Variants in SF3A2 observed in about 807,000 individuals in gnomAD.
SF3A2 encodes splicing factor 3a subunit 2, also known as SAP 62.
SF3A2 carries 5 observed loss-of-function variants against 31.1 expected under a neutral mutation model. The observed-to-expected ratio is 0.16, with a 90% CI of 0.08 to 0.34. SF3A2 has a LOEUF of 0.34. Among genes scored for constraint, SF3A2 ranks in the 10% least tolerant of loss-of-function variants. The pLI is 1.00. For synonymous variants in SF3A2, 365 were observed against 263.7 expected, an observed-to-expected ratio of 1.38 and a Z score of -3.72; for missense variants, 577 against 643.9, an observed-to-expected ratio of 0.90 and a Z score of 1.13.
intron 2 of SF3A2, 104 bp downstream of exon 2, chr19:2,243,648 C>G (rs533718227): frequency 1.5e-6 from 2 of 1,310,038 alleles, no homozygotes; most frequent in African/African-American, 1.6e-5. Flanking sequence ...CCAGGCTGGG[C>G]GATGCAGCCC....
Position 2,247,970 on chromosome 19 carries a change from G to A in SF3A2, c.819G>A (p.Gly273=). The change falls in exon 9 of 9, where the codon GGG becomes GGA. Residue 273 remains glycine, a synonymous_variant. Coordinates refer to ENST00000221494, the MANE Select transcript of SF3A2 (RefSeq NM_007165.5). ...CCCCCACAGGGCCTGCGCCCTCAGGGCCCCCGGGACCACCCCAGCTACCCC... is the reference window on the plus strand; with the variant it reads ...CCCCCACAGGGCCTGCGCCCTCAGGACCCCCGGGACCACCCCAGCTACCCC... ...PMPPTGPAPS[G]PPGPPQLPPP... is the part of the protein sequence containing the mutation. The A allele has an allele frequency of 8.8e-7, 1 of 1,134,268 alleles. No homozygotes were observed. The highest frequency in any genetic ancestry group is 2.6e-5 in the East Asian group (1 of 39,152). The allele number at this position is 1,134,268 out of a possible 1,614,324, so 70.3% of individuals were successfully genotyped here.
intron 3 of SF3A2, 44 bp downstream of exon 3, chr19:2,244,659 T>A (rs1599652997): frequency 6.2e-7 from 1 of 1,610,946 alleles, no homozygotes; most frequent in East Asian, 2.2e-5. Flanking sequence ...GCGGGCTGAG[T>A]GGCTGACGTC....
At chr19:2,243,788 CATT>C (rs1031579944) in intron 2 of SF3A2, among the ~76,000 whole-genome samples, 4 of 152,360 alleles carry the variant, frequency 2.6e-5, no homozygotes, top group African/African-American at 9.6e-5. Flanking sequence ...TTCTGTTTTG[CATT>C]ATTTAATTTT....
Position 2,247,447 on chromosome 19 carries a change from C to T in SF3A2, c.547-147C>T, listed in dbSNP as rs1288301704. The stretch of plus-strand genomic sequence containing the variant: ...GGTCTGTTTCACTCCAGAACTGAAC[C>T]CTGTGCCCCACGAAAGTCTTACCAG... On this transcript the variant is annotated intron_variant, in intron 7 of 8. Transcript: ENST00000221494. The T allele has an allele frequency of 5.5e-6, 4 of 730,136 alleles. No homozygotes were observed. The East Asian group carries it at 1.1e-4, about 19-fold the overall frequency. The allele number at this position is 730,136 out of a possible 1,614,324, so 45.2% of individuals were successfully genotyped here. A position where few individuals can be genotyped will look rare whatever the true frequency, so the allele number is the denominator to read the frequency against.
chr19:2,241,913 ACTGCAGTGAG>A (rs1200502945), intron 1 of SF3A2, among the ~76,000 whole-genome samples: 1 of 152,180 alleles, frequency 6.6e-6, no homozygotes, highest in Non-Finnish European at 1.5e-5. Flanking sequence ...CAGCCGTGAT[ACTGCAGTGAG>A]CTGGGAGGTC....
chr19:2,247,454 C>A, intron 7 of SF3A2, 140 bp from the exon 8 acceptor site: 1 of 760,192 alleles, frequency 1.3e-6, no homozygotes, highest in Non-Finnish European at 2.2e-6. Flanking sequence ...AACCCTGTGC[C>A]CCACGAAAGT....
At position 2,243,536 on chromosome 19, in the gene SF3A2, A is replaced by G. The variant is rs1309002131; in HGVS notation, c.118A>G (p.Ile40Val). 6.5e-7 allele frequency: 1 copy of G among 1,549,672 alleles called. No homozygotes were observed. The highest frequency in any genetic ancestry group is 1.2e-5 in the South Asian group (1 of 83,200). The change falls in exon 2 of 9, where the codon ATC (isoleucine) becomes GTC (valine). Residue 40 changes from isoleucine to valine, a missense_variant. Coordinates refer to ENST00000221494, the MANE Select transcript of SF3A2 (RefSeq NM_007165.5). Reference sequence around the variant, plus strand: ...GCAGCTGGCCCTGGAGACCATCGACATCAACAAGGTGGGCCAGCCACCGTG... The same window carrying G: ...GCAGCTGGCCCTGGAGACCATCGACGTCAACAAGGTGGGCCAGCCACCGTG... ...LRQLALETID[I>V]NKDPYFMKNH...
At chr19:2,239,356 CAAAAA>C (rs60571903) in intron 1 of SF3A2, among the ~76,000 whole-genome samples, 8 of 100,072 alleles carry the variant, frequency 8.0e-5, no homozygotes, top group African/African-American at 7.4e-5. Context: ...GAATCCGTCT[CAAAAA>C]AAAAAAAAAA....
In SF3A2 at chr19:2,248,144, C is replaced by T. The variant is rs927203366; in HGVS notation, c.993C>T (p.Pro331=). Residue 331 remains proline (P), a synonymous_variant, in exon 9 of 9, where the codon CCC becomes CCT. Coordinates refer to ENST00000221494, the MANE Select transcript of SF3A2 (RefSeq NM_007165.5). ...ACCCACCAACCTCTGGGGTCCACCC[C>T]CCAGCTCCTGGAGTCCACCCTCCAG... is the stretch of plus-strand genomic sequence containing the variant. ...GVHPPTSGVH[P]PAPGVHPPAP... is the part of the protein sequence containing the mutation. The T allele has an allele frequency of 1.6e-5, 21 of 1,329,978 alleles. No homozygotes were observed. The highest frequency in any genetic ancestry group is 1.5e-5 in the African/African-American group (1 of 68,246). The allele number at this position is 1,329,978 out of a possible 1,614,324, so 82.4% of individuals were successfully genotyped here.
intron 3 of SF3A2, 24 bp downstream of exon 3, chr19:2,244,639 G>A (rs970292290): frequency 3.9e-5 from 63 of 1,612,688 alleles, no homozygotes; most frequent in Non-Finnish European, 5.0e-5. Flanking sequence ...CTGGCTCCGG[G>A]CGGCTCGCGG....
At chr19:2,237,296 TG>T (rs1191903631) in intron 1 of SF3A2, 1 of 150,376 alleles carries the variant, frequency 6.6e-6, no homozygotes, top group Non-Finnish European at 1.5e-5. Flanking sequence ...TGGTTGTACC[TG>T]TAGGCCCAGC....
intron 1 of SF3A2, among the ~76,000 whole-genome samples, chr19:2,238,254 C>T (rs573124998): frequency 2.1e-4 from 32 of 152,152 alleles, no homozygotes; most frequent in Non-Finnish European, 5.9e-5. Context: ...GAACTCCTGA[C>T]CAGGTGATCC....
Position 2,246,726 on chromosome 19 carries a change from G to C in SF3A2, c.356-27G>C, listed in dbSNP as rs781114363. On this transcript the variant is annotated intron_variant, in intron 5 of 8. Coordinates refer to ENST00000221494, the MANE Select transcript of SF3A2 (RefSeq NM_007165.5). The surrounding 1 kb of genome is among the most constrained non-coding windows in gnomAD (Gnocchi z 5.5). ...TCAGCTTCGGAGAGGACAAGCAGCCGGGACCTGAGAGCTTTCTGTGTTGCA... is the reference window on the plus strand; with the variant it reads ...TCAGCTTCGGAGAGGACAAGCAGCCCGGACCTGAGAGCTTTCTGTGTTGCA... 3 of 1,613,586 alleles carry C rather than the reference G, an allele frequency of 1.9e-6. No homozygotes were observed. The African/African-American group carries it at 4.0e-5, about 22-fold the overall frequency.
At chr19:2,242,211 C>T (rs1405337801) in intron 1 of SF3A2, among the ~76,000 whole-genome samples, 1 of 146,964 alleles carries the variant, frequency 6.8e-6, no homozygotes, top group African/African-American at 2.4e-5. Context: ...CTCAGCGTGC[C>T]CCTGCACACC....
In SF3A2 at chr19:2,248,190, GC is replaced by G; in HGVS notation, c.1044del (p.Gly349GlufsTer97). The G allele has an allele frequency of 2.0e-5, 26 of 1,319,698 alleles. No homozygotes were observed. The highest frequency in any genetic ancestry group is 2.3e-5 in the Non-Finnish European group (23 of 994,550). 81.7% of individuals were successfully genotyped at this position (1,319,698 alleles called of 1,614,324 possible). ...TCCAGCCCCCGGGGTTCACCCACCAGCCCCCGGAGTCCACCCACCAGCCCCT... is the reference window on the plus strand; with the variant it reads ...TCCAGCCCCCGGGGTTCACCCACCAGCCCCGGAGTCCACCCACCAGCCCCT... ...HPPAPGVHPP[A>X]PGVHPPAPGV... On this transcript the variant is annotated frameshift_variant, in exon 9 of 9. Transcript: ENST00000221494. LOFTEE classifies it low-confidence loss of function (END_TRUNC).
At chr19:2,247,479 C>T in intron 7 of SF3A2, 115 bp from the exon 8 acceptor site, 1 of 1,037,248 alleles carries the variant, frequency 9.6e-7, no homozygotes, top group Non-Finnish European at 1.5e-6. Flanking sequence ...CCAGCCTTCT[C>T]CTGGGCTCCC....
At position 2,245,829 on chromosome 19, in the gene SF3A2, A is replaced by C. The variant is rs2145014744; in HGVS notation, c.355+274A>C. The C allele has an allele frequency of 4.1e-6, 2 of 483,796 alleles. No individual in the cohort carries two copies. Among genetic ancestry groups the C allele is most frequent in the Non-Finnish European group, 7.5e-6 (2 of 268,062 alleles). The allele number at this position is 483,796 out of a possible 1,614,324, so 30.0% of individuals were successfully genotyped here. ...TCCGGGTCTTGTGGAAGCTTCTGGGAATTCTTGCCAAGCAAAAGAGTGGAA... is the reference window on the plus strand; with the variant it reads ...TCCGGGTCTTGTGGAAGCTTCTGGGCATTCTTGCCAAGCAAAAGAGTGGAA... On this transcript the variant is annotated intron_variant, in intron 5 of 8. Coordinates refer to ENST00000221494, the MANE Select transcript of SF3A2 (RefSeq NM_007165.5). This position sits in a 1 kb window ranked among gnomAD's most constrained non-coding sequence, Gnocchi z 4.2.
intron 1 of SF3A2, among the ~76,000 whole-genome samples, chr19:2,239,838 C>T (rs2024873370): frequency 6.6e-6 from 1 of 152,038 alleles, no homozygotes; most frequent in African/African-American, 2.4e-5. Context: ...TTGTTTGGAT[C>T]GTCCTGTCTG....
chr19:2,244,284 G>A (rs1305098839), intron 2 of SF3A2, among the ~76,000 whole-genome samples: 1 of 152,198 alleles, frequency 6.6e-6, no homozygotes, highest in Non-Finnish European at 1.5e-5. Flanking sequence ...CACCAGGAAG[G>A]TGGTGTCGGG....
Sources: allele counts gnomAD v4.1 joint callset (sites outside exome capture counted in the v4.1 genomes callset), GRCh38; gene constraint gnomAD v4.1.1; non-coding constraint Gnocchi (gnomAD v3.1); transcripts MANE v1.5; gene names NCBI Gene and HGNC (gene_info 2026-07-23, HGNC 2026-07-21).